The following TSC2 variants were observed in gnomAD, a reference collection of about 807,000 sequenced individuals.
The protein encoded by TSC2 is TSC complex subunit 2, also known as tuberin.
Under a neutral mutation model 202.2 loss-of-function variants are expected in TSC2, and 29 were observed. The ratio of observed to expected loss-of-function variants is 0.14; its 90% confidence interval spans 0.11 to 0.20. TSC2 has a LOEUF of 0.20. Ranked by LOEUF, TSC2 falls within the 10% of genes least tolerant of loss-of-function variation. TSC2 has a pLI of 1.00. For synonymous variants in TSC2, 1,349 were observed against 1,044.0 expected, an observed-to-expected ratio of 1.29 and a Z score of -5.63; for missense variants, 2,429 against 2,420.0, an observed-to-expected ratio of 1.00 and a Z score of -0.08.
At position 2,075,817 on chromosome 16, in the gene TSC2, A is replaced by C. The variant is rs1424946987; in HGVS notation, c.2564A>C (p.His855Pro). ...EFLSTLARLP[H>P]LYRNFAAEQY... Reference sequence around the variant, plus strand: ...ACCGCAGCTCTGGCCAGGCTGCCGCACCTCTACAGGAACTTTGCCGCGGAG... The same window carrying C: ...ACCGCAGCTCTGGCCAGGCTGCCGCCCCTCTACAGGAACTTTGCCGCGGAG... The change falls in exon 23 of 42, where the codon CAC (histidine) becomes CCC (proline). Residue 855 changes from histidine (H) to proline (P), a missense_variant. By Grantham distance (77) the His-to-Pro change is moderately conservative. Coordinates refer to ENST00000219476, the MANE Select transcript of TSC2 (RefSeq NM_000548.5). The C allele has an allele frequency of 6.2e-7, 1 of 1,612,688 alleles. No individual in the cohort carries two copies. The highest frequency in any genetic ancestry group is 2.2e-5 in the East Asian group (1 of 44,856).
chr16:2,072,357 C>T lies in TSC2; in HGVS notation c.2214C>T (p.Cys738=), dbSNP rs2088586627. The T allele has an allele frequency of 6.2e-7, 1 of 1,613,932 alleles. No homozygotes were observed. Among genetic ancestry groups the T allele is most frequent in the African/African-American group, 1.3e-5 (1 of 74,952 alleles). ...TGGACCAGCTGTGCTCTGCTCTCTG[C>T]TCCATGGTACCATGGCCGGCCTGGG... The part of the protein sequence containing the change: ...CSVDQLCSAL[C]SMLSGPKTLE... The change falls in exon 20 of 42, where the codon TGC becomes TGT. Residue 738 remains cysteine, a synonymous_variant. Transcript: ENST00000219476.
chr16:2,060,867 C>CG lies in TSC2; in HGVS notation c.1119+56dup, dbSNP rs576126925. The CG allele has an allele frequency of 5.5e-5, 88 of 1,603,106 alleles. 1 individual carries two copies. In the East Asian group the frequency reaches 1.7e-3, roughly 32 times the overall value. On this transcript the variant is annotated intron_variant, in intron 11 of 41. Transcript: ENST00000219476. ...CACCGGGAACCCAGACAGGCAGGCT[C>CG]GGCCCACTCAGAAGATGGTACCTTG...
At position 2,060,553 on chromosome 16, in the gene TSC2, G is replaced by C. The variant is rs867492385; in HGVS notation, c.976-117G>C. The C allele has an allele frequency of 9.7e-6, 15 of 1,550,656 alleles. No individual in the cohort carries two copies. The African/African-American group carries it at 1.2e-4, about 13-fold the overall frequency. On this transcript the variant is annotated intron_variant, in intron 10 of 41. Coordinates refer to ENST00000219476, the MANE Select transcript of TSC2 (RefSeq NM_000548.5). ...GCTGTTTCTGCGGCCCCTGATAAAC[G>C]TGTGGTGGGCACTGCGCGCTCAGGC...
intron 21 of TSC2, 55 bp from the exon 22 acceptor site, chr16:2,074,145 G>T (rs2151344562): frequency 6.2e-7 from 1 of 1,605,516 alleles, no homozygotes; most frequent in Non-Finnish European, 8.5e-7. Flanking sequence ...CGAGGGGTAG[G>T]CGAGGCTGCC....
intron 20 of TSC2, 25 bp from the exon 21 acceptor site, chr16:2,072,824 T>C: frequency 6.2e-7 from 1 of 1,612,760 alleles, no homozygotes; most frequent in South Asian, 1.1e-5. Flanking sequence ...TGGGGAGAGG[T>C]TTCATGCCTG....
chr16:2,082,730 G>A lies in TSC2; in HGVS notation c.3883+226G>A, dbSNP rs9928737. 0.17 allele frequency: 106,554 copies of A among 616,896 alleles called. 11,344 individuals carry two copies. The highest frequency in any genetic ancestry group is 0.38 in the African/African-American group (20,835 of 54,822). 38.2% of individuals were successfully genotyped at this position (616,896 alleles called of 1,614,324 possible). On this transcript the variant is annotated intron_variant, in intron 32 of 41. Coordinates refer to ENST00000219476, the MANE Select transcript of TSC2 (RefSeq NM_000548.5). ...GCTGAGCCCTGTTCCCACGCTGTGC[G>A]AGCACTCCCGGCCCAGCTTCAGGCC...
chr16:2,061,723 A>G, intron 11 of TSC2, 148 bp from the exon 12 acceptor site: 1 of 1,381,474 alleles, frequency 7.2e-7, no homozygotes, highest in Non-Finnish European at 1.0e-6. Flanking sequence ...GCGGCCTCAG[A>G]GGGCTGGGGG....
At chr16:2,083,585 TC>T in intron 32 of TSC2, 109 bp from the exon 33 acceptor site, 1 of 1,521,160 alleles carries the variant, frequency 6.6e-7, no homozygotes, top group Non-Finnish European at 8.9e-7. Flanking sequence ...CTGGGGAGGC[TC>T]GCAGGGCTGC....
At chr16:2,057,539 A>G (rs980618736) in intron 9 of TSC2, among the ~76,000 whole-genome samples, 10 of 151,980 alleles carry the variant, frequency 6.6e-5, no homozygotes, top group African/African-American at 2.2e-4. Context: ...TGCTTTAGCC[A>G]TTAGAGATGG....
chr16:2,076,014 C>T (rs2151384701), intron 23 of TSC2, 54 bp from the exon 24 acceptor site: 1 of 1,613,250 alleles, frequency 6.2e-7, no homozygotes, highest in Non-Finnish European at 8.5e-7. Flanking sequence ...ACTTCATGCC[C>T]TGGGGATGTT....
rs543025646 is a variant in TSC2, at chr16:2,082,264, C to T, written c.3815-172C>T. 8.3e-6 allele frequency: 6 copies of T among 719,042 alleles called. 1 individual carries two copies. Among genetic ancestry groups the T allele is most frequent in the Admixed American group, 8.2e-5 (4 of 48,766 alleles). The allele number at this position is 719,042 out of a possible 1,614,324, so 44.5% of individuals were successfully genotyped here. A position where few individuals can be genotyped will look rare whatever the true frequency, so the allele number is the denominator to read the frequency against. On this transcript the variant is annotated intron_variant, in intron 31 of 41. Coordinates refer to ENST00000219476, the MANE Select transcript of TSC2 (RefSeq NM_000548.5). Reference sequence around the variant, plus strand: ...ATTCACGGGAGGAGGGAGGCACTGCCCTCCTCAGGTCTGCCCAAGCAGCTT... The same window carrying T: ...ATTCACGGGAGGAGGGAGGCACTGCTCTCCTCAGGTCTGCCCAAGCAGCTT...
chr16:2,076,381 T>C (rs1234381287), intron 24 of TSC2, 110 bp from the exon 25 acceptor site: 2 of 1,584,292 alleles, frequency 1.3e-6, no homozygotes, highest in Non-Finnish European at 1.7e-6. Flanking sequence ...TGCCGCCGCC[T>C]TGCCCCTAGC....
chr16:2,050,548 C>T lies in TSC2; in HGVS notation c.225+62C>T, dbSNP rs1229130750. ...GTAGACTATTCAGAGCCTGAGTTTG[C>T]TTTTTTTAGGAACATGGTTGACAGC... On this transcript the variant is annotated intron_variant, in intron 3 of 41. Transcript: ENST00000219476. 2.8e-6 allele frequency: 4 copies of T among 1,413,346 alleles called. No individual in the cohort carries two copies. In the East Asian group the frequency reaches 9.4e-5, roughly 33 times the overall value. The allele number at this position is 1,413,346 out of a possible 1,614,324, so 87.6% of individuals were successfully genotyped here.
chr16:2,086,154 C>CGGGAGTGATGCCACCCTGCCT lies in TSC2; in HGVS notation c.4663-38_4663-18dup, dbSNP rs137854102. 625 of 1,610,968 alleles carry CGGGAGTGATGCCACCCTGCCT rather than the reference C, an allele frequency of 3.9e-4. No individual in the cohort carries two copies. Among genetic ancestry groups the CGGGAGTGATGCCACCCTGCCT allele is most frequent in the Middle Eastern group, 5.0e-4 (3 of 6,008 alleles). ...ACCCTCTGCGGGGCAGGGCCCGGCC[C>CGGGAGTGATGCCACCCTGCCT]GGGAGTGATGCCACCCTGCCTCTCC... On this transcript the variant is annotated intron_variant, in intron 36 of 41. Coordinates refer to ENST00000219476, the MANE Select transcript of TSC2 (RefSeq NM_000548.5).
chr16:2,070,174 C>T (rs1239108994), intron 16 of TSC2, among the ~76,000 whole-genome samples: 5 of 152,182 alleles, frequency 3.3e-5, no homozygotes, highest in East Asian at 3.9e-4. Context: ...ACACACTCCC[C>T]GCCCCATTCT....
intron 5 of TSC2, chr16:2,055,030 G>C: frequency 2.7e-6 from 1 of 374,768 alleles, no homozygotes; most frequent in Non-Finnish European, 5.1e-6. Flanking sequence ...CGGCAGCCAA[G>C]TGTGCACACG....
At chr16:2,084,076 T>TGC (rs2090461702) in intron 33 of TSC2, 152 bp from the exon 34 acceptor site, 1 of 1,419,160 alleles carries the variant, frequency 7.0e-7, no homozygotes. Context: ...GCAGTGCTGC[T>TGC]GCGTCAACGG....
At position 2,086,173 on chromosome 16, in the gene TSC2, CCT is replaced by C. The variant is rs796053477; in HGVS notation, c.4663-16_4663-15del. On this transcript the variant is annotated intron_variant, in intron 36 of 41. Transcript: ENST00000219476. ...CCGGCCCGGGAGTGATGCCACCCTGCCTCTCCCCTCTCCCCACAGAGCAACAG... is the reference window on the plus strand; with the variant it reads ...CCGGCCCGGGAGTGATGCCACCCTGCCTCCCCTCTCCCCACAGAGCAACAG... 411 of 1,612,172 alleles carry C rather than the reference CCT, an allele frequency of 2.5e-4. 1 individual carries two copies. The highest frequency in any genetic ancestry group is 1.3e-3 in the Middle Eastern group (8 of 6,052).
intron 4 of TSC2, chr16:2,053,767 G>T (rs1247131003): frequency 5.4e-6 from 3 of 560,662 alleles, no homozygotes; most frequent in Non-Finnish European, 1.0e-5. Context: ...CTACGGTGTT[G>T]TTTTGCCCTT....
Sources: gnomAD v4.1 joint callset for allele counts (sites outside exome capture counted in the v4.1 genomes callset) on GRCh38, gnomAD v4.1.1 for gene constraint, MANE v1.5 for transcripts, NCBI Gene and HGNC (gene_info 2026-07-23, HGNC 2026-07-21) for gene names.